PLEKHA7: variants seen among roughly 807,000 people sequenced by gnomAD.
PLEKHA7 encodes the protein pleckstrin homology domain-containing family A member 7.
PLEKHA7 carries 104 observed loss-of-function variants against 170.0 expected under a neutral mutation model. That is an observed-to-expected ratio of 0.61 (90% CI 0.52 to 0.72). PLEKHA7 has a LOEUF of 0.72. PLEKHA7 is among the 30% of genes least tolerant of loss of function. The pLI is 0.00. For missense variants in PLEKHA7, 1,615 were observed against 1,671.7 expected, an observed-to-expected ratio of 0.97 and a Z score of 0.59; for synonymous variants, 648 against 660.8, an observed-to-expected ratio of 0.98 and a Z score of 0.30.
Position 16,854,878 on chromosome 11 carries a change from G to C in PLEKHA7, c.522+11C>G, listed in dbSNP as rs373916772. 1.2e-6 allele frequency: 2 copies of C among 1,611,120 alleles called. No individual in the cohort carries two copies. Among genetic ancestry groups the C allele is most frequent in the African/African-American group, 2.7e-5 (2 of 74,834 alleles). On this transcript the variant is annotated intron_variant, in intron 6 of 26. Transcript: ENST00000531066. ...ATTTCCTCCAGGATTCTCACTCCTCGGCTTCCTCACCTGCTTGTGCAGCCA... is the reference window on the plus strand; with the variant it reads ...ATTTCCTCCAGGATTCTCACTCCTCCGCTTCCTCACCTGCTTGTGCAGCCA...
intron 3 of PLEKHA7, among the ~76,000 whole-genome samples, chr11:16,938,487 G>GC (rs895468210): frequency 2.0e-5 from 3 of 151,598 alleles, no homozygotes; most frequent in African/African-American, 7.3e-5. Flanking sequence ...TAAGATAGGT[G>GC]CCCCCCTCAC....
intron 3 of PLEKHA7, among the ~76,000 whole-genome samples, chr11:16,907,953 T>G (rs1429082144): frequency 1.3e-5 from 2 of 148,974 alleles, no homozygotes; most frequent in African/African-American, 4.9e-5. Flanking sequence ...CCTGTTGATC[T>G]GTGACCTTAC....
At chr11:17,003,839 G>A (rs1323803156) in intron 3 of PLEKHA7, among the ~76,000 whole-genome samples, 2 of 152,168 alleles carry the variant, frequency 1.3e-5, no homozygotes, top group Non-Finnish European at 2.9e-5. Flanking sequence ...GAAGAGGGCT[G>A]GATGAGACAG....
At chr11:16,883,289 T>A (rs1224925649) in intron 3 of PLEKHA7, among the ~76,000 whole-genome samples, 5 of 152,176 alleles carry the variant, frequency 3.3e-5, no homozygotes, top group Non-Finnish European at 7.3e-5. Context: ...AGCTTATTCA[T>A]CAGTTATATA....
chr11:16,996,602 T>C (rs1864353569), intron 3 of PLEKHA7, among the ~76,000 whole-genome samples: 2 of 152,232 alleles, frequency 1.3e-5, no homozygotes, highest in Non-Finnish European at 2.9e-5. Flanking sequence ...CAGCCAGGAC[T>C]GAGTTTCCTG....
At chr11:16,926,922 A>G (rs957967117) in intron 3 of PLEKHA7, among the ~76,000 whole-genome samples, 12 of 152,186 alleles carry the variant, frequency 7.9e-5, no homozygotes, top group African/African-American at 1.7e-4. Context: ...GGAATTTGGG[A>G]ACCTTCACTT....
intron 3 of PLEKHA7, among the ~76,000 whole-genome samples, chr11:16,943,690 A>G (rs947392294): frequency 2.0e-5 from 3 of 152,216 alleles, no homozygotes; most frequent in Non-Finnish European, 4.4e-5. Context: ...ACATTTACAG[A>G]GTCCACACAG....
intron 9 of PLEKHA7, among the ~76,000 whole-genome samples, chr11:16,829,240 C>T (rs542951473): frequency 1.3e-5 from 2 of 152,084 alleles, no homozygotes; most frequent in African/African-American, 4.8e-5. Flanking sequence ...GTCTCAAACT[C>T]CTGGGTTCAA....
intron 3 of PLEKHA7, among the ~76,000 whole-genome samples, chr11:16,925,820 G>A (rs1859485184): frequency 6.6e-6 from 1 of 152,268 alleles, no homozygotes; most frequent in Non-Finnish European, 1.5e-5. Context: ...GCGCGCCCCA[G>A]GTGCTGCCGT....
intron 3 of PLEKHA7, among the ~76,000 whole-genome samples, chr11:16,886,245 C>A (rs1856092674): frequency 6.6e-6 from 1 of 152,150 alleles, no homozygotes; most frequent in Non-Finnish European, 1.5e-5. Flanking sequence ...CAGACCTCTC[C>A]CAACTTGAAA....
chr11:17,002,596 C>T (rs1864733172), intron 3 of PLEKHA7, among the ~76,000 whole-genome samples: 1 of 152,162 alleles, frequency 6.6e-6, no homozygotes, highest in Non-Finnish European at 1.5e-5. Context: ...AATGCCTGAT[C>T]TGTAAAATGA....
rs747744414 is a variant in PLEKHA7, at chr11:16,801,693, C to A, written c.2282G>T (p.Arg761Leu). 6.2e-7 allele frequency: 1 copy of A among 1,613,972 alleles called. No individual in the cohort carries two copies. Among genetic ancestry groups the A allele is most frequent in the African/African-American group, 1.3e-5 (1 of 74,912 alleles). Residue 761 changes from arginine to leucine, a missense_variant, in exon 16 of 27, where the codon CGA becomes CTA. By Grantham distance (102) the Arg-to-Leu change is moderately radical. Transcript: ENST00000531066. Reference sequence around the variant, plus strand: ...AGTGGACTCTCTGGAGAGCTCAGCTCGGATATGGACAAGGTCCTCCTGCAG... The same window carrying A: ...AGTGGACTCTCTGGAGAGCTCAGCTAGGATATGGACAAGGTCCTCCTGCAG... ...KLLQEDLVHI[R>L]AELSRESTEM...
intron 17 of PLEKHA7, among the ~76,000 whole-genome samples, chr11:16,799,674 T>C (rs1376935867): frequency 6.6e-6 from 1 of 152,218 alleles, no homozygotes. Context: ...AAGGACTTTG[T>C]CAACAACATT....
At chr11:16,961,136 C>A (rs12276960) in intron 3 of PLEKHA7, among the ~76,000 whole-genome samples, 1 of 152,176 alleles carries the variant, frequency 6.6e-6, no homozygotes, top group African/African-American at 2.4e-5. Flanking sequence ...AACACAAAAC[C>A]CTCAAGTTTT....
chr11:16,847,655 C>A (rs796796047), intron 8 of PLEKHA7, among the ~76,000 whole-genome samples: 3 of 151,776 alleles, frequency 2.0e-5, no homozygotes, highest in African/African-American at 7.3e-5. Context: ...CATGGTGAAA[C>A]CCCATCTCTA....
rs1331356157 is a variant in PLEKHA7, at chr11:16,791,570, T to C, written c.2746-371A>G. ...CTAACCCTGCCCTGACTTCCATGCT[T>C]ATCACAGCACCACCTACCTGGAGAG... On this transcript the variant is annotated intron_variant, in intron 19 of 26. Transcript: ENST00000531066. This position sits in a 1 kb window ranked among gnomAD's most constrained non-coding sequence, Gnocchi z 4.5. 1.3e-5 allele frequency: 6 copies of C among 479,546 alleles called. No individual in the cohort carries two copies. Among genetic ancestry groups the C allele is most frequent in the African/African-American group, 7.8e-5 (4 of 50,998 alleles). The allele number at this position is 479,546 out of a possible 1,614,324, so 29.7% of individuals were successfully genotyped here. A position where few individuals can be genotyped will look rare whatever the true frequency, so the allele number is the denominator to read the frequency against.
chr11:16,865,512 C>A (rs1005747720), intron 4 of PLEKHA7, among the ~76,000 whole-genome samples: 2 of 152,128 alleles, frequency 1.3e-5, no homozygotes, highest in Non-Finnish European at 2.9e-5. Context: ...CTGCTTGAGG[C>A]TAGAAGTTCA....
chr11:16,867,340 T>C (rs113870708), intron 4 of PLEKHA7, among the ~76,000 whole-genome samples: 1 of 152,264 alleles, frequency 6.6e-6, no homozygotes, highest in African/African-American at 2.4e-5. Flanking sequence ...GATCACACTT[T>C]GAGAACCGCT....
At chr11:16,867,774 C>G (rs1187968223) in intron 4 of PLEKHA7, among the ~76,000 whole-genome samples, 1 of 152,138 alleles carries the variant, frequency 6.6e-6, no homozygotes, top group Admixed American at 6.6e-5. Flanking sequence ...TTCACTTTGA[C>G]CCCACCAAGG....
Sources: allele counts gnomAD v4.1 joint callset (sites outside exome capture counted in the v4.1 genomes callset), GRCh38; gene constraint gnomAD v4.1.1; non-coding constraint Gnocchi (gnomAD v3.1); transcripts MANE v1.5; gene names NCBI Gene and HGNC (gene_info 2026-07-23, HGNC 2026-07-21).